PPARGC1A: variants seen among roughly 807,000 people sequenced by gnomAD.
PPARGC1A encodes the protein peroxisome proliferator-activated receptor gamma coactivator 1-alpha.
In PPARGC1A, 25 loss-of-function variants were observed where a neutral mutation model predicts 88.7. That is an observed-to-expected ratio of 0.28 (90% CI 0.21 to 0.39). The LOEUF is 0.39. Among genes scored for constraint, PPARGC1A ranks in the 10% least tolerant of loss-of-function variants. The pLI, the probability that PPARGC1A is intolerant of heterozygous loss-of-function variation, is 1.00. For missense variants in PPARGC1A, 880 were observed against 968.7 expected (o/e 0.91, Z 1.22); for synonymous variants, 363 against 355.6 (o/e 1.02, Z -0.24).
At position 23,801,744 on chromosome 4, in the gene PPARGC1A, T is replaced by C. The variant is rs1718783089; in HGVS notation, c.2279A>G (p.Asn760Ser). ...FCGRKQFFKS[N>S]YADLDSNSDD... ...AAAATCCATACCTAGGTCTGCATAG[T>C]TAGACTTGAAAAATTGCTTGCGTCC... The change falls in exon 12 of 13, where the codon AAC becomes AGC. Residue 760 changes from asparagine (N) to serine (S), a missense_variant. Physicochemically the swap from Asn to Ser is conservative, Grantham distance 46. Coordinates refer to ENST00000264867, the MANE Select transcript of PPARGC1A (RefSeq NM_013261.5). 6.2e-7 allele frequency: 1 copy of C among 1,614,018 alleles called. No homozygotes were observed.
chr4:24,084,537 C>G, the PPARGC1A span, among the ~76,000 whole-genome samples: 16 of 152,246 alleles, frequency 1.1e-4, no homozygotes, highest in Non-Finnish European at 1.8e-4. Flanking sequence ...ATTTCCTTGG[C>G]CTAAGTGTCA....
At chr4:23,909,165 G>A in the PPARGC1A span, among the ~76,000 whole-genome samples, 1 of 152,136 alleles carries the variant, frequency 6.6e-6, no homozygotes, top group East Asian at 1.9e-4. Context: ...CAGGCCCTAT[G>A]AAGACTTTTA....
the PPARGC1A span, among the ~76,000 whole-genome samples, chr4:24,296,203 G>GTGTA: frequency 1.4e-5 from 2 of 147,778 alleles, no homozygotes; most frequent in African/African-American, 5.0e-5. Context: ...GTGTGTGTGT[G>GTGTA]TATATATATA....
the PPARGC1A span, among the ~76,000 whole-genome samples, chr4:24,418,093 G>C: frequency 1.3e-5 from 2 of 152,030 alleles, no homozygotes; most frequent in East Asian, 3.9e-4. Context: ...TGAACTTGGA[G>C]CTGCCTTAAA....
chr4:24,077,629 GTGT>G, the PPARGC1A span, among the ~76,000 whole-genome samples: 3 of 75,366 alleles, frequency 4.0e-5, no homozygotes, highest in African/African-American at 1.8e-4. Context: ...CTAGGGGTGT[GTGT>G]GTGTGTGTGT....
the PPARGC1A span, among the ~76,000 whole-genome samples, chr4:24,194,803 G>A: frequency 6.6e-6 from 1 of 152,080 alleles, no homozygotes; most frequent in Non-Finnish European, 1.5e-5. Flanking sequence ...GCAAGACAAG[G>A]GATGCTATTT....
the PPARGC1A span, among the ~76,000 whole-genome samples, chr4:24,305,981 G>A: frequency 6.6e-6 from 1 of 152,156 alleles, no homozygotes; most frequent in Non-Finnish European, 1.5e-5. Flanking sequence ...CATTAAAGCA[G>A]GGATGTACCC....
chr4:23,848,407 C>T (rs1030731456), intron 2 of PPARGC1A, among the ~76,000 whole-genome samples: 4 of 152,120 alleles, frequency 2.6e-5, no homozygotes, highest in Non-Finnish European at 4.4e-5. Context: ...CGAGCTAACC[C>T]TCTCCCAGAG....
chr4:24,204,122 CCAA>C, the PPARGC1A span, among the ~76,000 whole-genome samples: 1,041 of 152,200 alleles, frequency 6.8e-3, 14 homozygotes, highest in African/African-American at 0.023. Flanking sequence ...AGCCAGCTGA[CCAA>C]CAAGTACTTA....
chr4:24,108,347 C>T, the PPARGC1A span, among the ~76,000 whole-genome samples: 1 of 152,088 alleles, frequency 6.6e-6, no homozygotes, highest in African/African-American at 2.4e-5. Context: ...ACTAGGGTTT[C>T]TTCTATTGAT....
At chr4:24,435,329 G>T in the PPARGC1A span, among the ~76,000 whole-genome samples, 1 of 152,178 alleles carries the variant, frequency 6.6e-6, no homozygotes, top group African/African-American at 2.4e-5. Context: ...TTAATGCTCT[G>T]CCCTCCAGTT....
the PPARGC1A span, among the ~76,000 whole-genome samples, chr4:24,238,745 ATGTGTGTGTGTGTGTGTGTGTG>A: frequency 9.9e-5 from 12 of 121,808 alleles, no homozygotes; most frequent in African/African-American, 2.1e-4. Flanking sequence ...AAGGTTGTAT[ATGTGTGTGTGTGTGTGTGTGTG>A]TGTGTGTGTG....
the PPARGC1A span, among the ~76,000 whole-genome samples, chr4:23,956,610 T>A: frequency 5.3e-5 from 8 of 152,162 alleles, 1 homozygote; most frequent in African/African-American, 1.4e-4. Context: ...TCCAAACAGG[T>A]CACTCACTAG....
At chr4:23,945,323 AAAAT>A in the PPARGC1A span, among the ~76,000 whole-genome samples, 2 of 152,212 alleles carry the variant, frequency 1.3e-5, no homozygotes, top group South Asian at 2.1e-4. Context: ...AATGAAAAAG[AAAAT>A]AAATAAACAT....
At chr4:24,322,143 G>A in the PPARGC1A span, among the ~76,000 whole-genome samples, 23 of 152,118 alleles carry the variant, frequency 1.5e-4, no homozygotes, top group Admixed American at 3.3e-4. Flanking sequence ...AAATCCATTT[G>A]CTCTTATGCA....
chr4:24,383,538 T>G, the PPARGC1A span, among the ~76,000 whole-genome samples: 1 of 152,124 alleles, frequency 6.6e-6, no homozygotes, highest in African/African-American at 2.4e-5. Context: ...ATAAATGACC[T>G]GATGGAGCTG....
the PPARGC1A span, among the ~76,000 whole-genome samples, chr4:24,149,547 G>T: frequency 6.6e-6 from 1 of 152,264 alleles, no homozygotes; most frequent in East Asian, 1.9e-4. Flanking sequence ...TCAATTTGCT[G>T]CCATTAAAGG....
At chr4:24,467,030 G>GAAAGAAAGAAAGAA in the PPARGC1A span, among the ~76,000 whole-genome samples, 3 of 74,408 alleles carry the variant, frequency 4.0e-5, no homozygotes, top group Non-Finnish European at 8.9e-5. Context: ...AAGAAAGAAA[G>GAAAGAAAGAAAGAA]AGAAAGAGAG....
the PPARGC1A span, among the ~76,000 whole-genome samples, chr4:23,930,578 C>A: frequency 6.6e-6 from 1 of 152,118 alleles, no homozygotes; most frequent in African/African-American, 2.4e-5. Flanking sequence ...TGATTTCTTT[C>A]TTTTTAGGCC....
Sources: allele counts gnomAD v4.1 joint callset (sites outside exome capture counted in the v4.1 genomes callset), GRCh38; gene constraint gnomAD v4.1.1; transcripts MANE v1.5; gene names NCBI Gene and HGNC (gene_info 2026-07-23, HGNC 2026-07-21).